CPVL: variants seen among roughly 807,000 people sequenced by gnomAD.
The protein encoded by CPVL is probable serine carboxypeptidase CPVL.
In CPVL, 51 loss-of-function variants were observed where a neutral mutation model predicts 63.7. The observed-to-expected ratio is 0.80, with a 90% CI of 0.64 to 1.01. The LOEUF (loss-of-function observed/expected upper bound fraction) is 1.01. Among genes scored for constraint, CPVL ranks in the 50% least tolerant of loss-of-function variants. The pLI, the probability that CPVL is intolerant of heterozygous loss-of-function variation, is 0.00. For missense variants in CPVL, 530 were observed against 573.1 expected (o/e 0.92, Z 0.77); for synonymous variants, 195 against 206.0 (o/e 0.95, Z 0.46).
intron 6 of CPVL, among the ~76,000 whole-genome samples, chr7:29,092,054 TG>T (rs1785865931): frequency 6.6e-6 from 1 of 152,104 alleles, no homozygotes; most frequent in African/African-American, 2.4e-5. Context: ...TGGAAAAATC[TG>T]ACCAAATAAG....
intron 12 of CPVL, among the ~76,000 whole-genome samples, chr7:29,029,475 A>G (rs781408180): frequency 4.6e-5 from 7 of 152,244 alleles, no homozygotes; most frequent in Non-Finnish European, 1.0e-4. Context: ...TAAGCCATAA[A>G]AAAGAATGAA....
intron 10 of CPVL, 64 bp from the exon 11 acceptor site, chr7:29,064,298 A>G: frequency 1.0e-6 from 1 of 1,004,666 alleles, no homozygotes; most frequent in East Asian, 2.4e-5. Flanking sequence ...GTATGTTGGG[A>G]AAAGCTGTGA....
In CPVL at chr7:29,066,009, TA is replaced by T; in HGVS notation, c.963+13del. On this transcript the variant is annotated intron_variant, in intron 10 of 12. Coordinates refer to ENST00000265394, the MANE Select transcript of CPVL (RefSeq NM_031311.5). ...TTTAAGCAAACATTATTATGGTTTTTAAAATGTCATTACCGTGCACCGCAAA... is the reference window on the plus strand; with the variant it reads ...TTTAAGCAAACATTATTATGGTTTTTAAATGTCATTACCGTGCACCGCAAA... 6.8e-7 allele frequency: 1 copy of T among 1,475,570 alleles called. No homozygotes were observed. The highest frequency in any genetic ancestry group is 9.3e-7 in the Non-Finnish European group (1 of 1,077,220). The allele number at this position is 1,475,570 out of a possible 1,614,324, so 91.4% of individuals were successfully genotyped here. A position where few individuals can be genotyped will look rare whatever the true frequency, so the allele number is the denominator to read the frequency against.
At chr7:29,111,597 C>T (rs1306904758) in intron 3 of CPVL, among the ~76,000 whole-genome samples, 1 of 152,208 alleles carries the variant, frequency 6.6e-6, no homozygotes, top group Non-Finnish European at 1.5e-5. Context: ...GTGAGCCCAA[C>T]GACAAAGGAT....
At chr7:29,094,037 GCTTGT>G (rs1256953985) in intron 5 of CPVL, among the ~76,000 whole-genome samples, 2 of 152,194 alleles carry the variant, frequency 1.3e-5, no homozygotes, top group Non-Finnish European at 1.5e-5. Flanking sequence ...GAAGCATGTT[GCTTGT>G]CTTAACAAGT....
chr7:29,064,092 G>T lies in CPVL; in HGVS notation c.1106C>A (p.Pro369Gln). Residue 369 changes from proline to glutamine, a missense_variant, in exon 11 of 13, where the codon CCA becomes CAA. Pro to Gln is a moderately conservative substitution (Grantham distance 76). Transcript: ENST00000265394. ...LREDTVQSVK[P>Q]WLTEIMNNYK... Reference sequence around the variant, plus strand: ...ATTATTCATGATTTCAGTTAACCATGGCTTAACTGACTGTACTGTATCTTC... The same window carrying T: ...ATTATTCATGATTTCAGTTAACCATTGCTTAACTGACTGTACTGTATCTTC... 6.2e-7 allele frequency: 1 copy of T among 1,612,658 alleles called. No homozygotes were observed. The highest frequency in any genetic ancestry group is 2.2e-5 in the East Asian group (1 of 44,852).
intron 12 of CPVL, among the ~76,000 whole-genome samples, chr7:29,002,470 T>C (rs562566614): frequency 1.3e-5 from 2 of 152,186 alleles, no homozygotes; most frequent in East Asian, 1.9e-4. Flanking sequence ...TTTCTTCATA[T>C]ATTTTTTGTA....
At chr7:29,028,411 AC>A (rs1281270474) in intron 12 of CPVL, among the ~76,000 whole-genome samples, 3 of 152,216 alleles carry the variant, frequency 2.0e-5, no homozygotes, top group African/African-American at 7.2e-5. Flanking sequence ...CAGGGGAAAC[AC>A]TTTAGGACAC....
At chr7:29,025,041 C>T (rs1268141691) in intron 12 of CPVL, among the ~76,000 whole-genome samples, 10 of 152,122 alleles carry the variant, frequency 6.6e-5, no homozygotes. Flanking sequence ...AAACAATGAA[C>T]AAAATGGCAG....
intron 1 of CPVL, among the ~76,000 whole-genome samples, chr7:29,136,456 TA>T: frequency 6.6e-6 from 1 of 152,042 alleles, no homozygotes; most frequent in Admixed American, 6.6e-5. Context: ...GGTTGGAGGG[TA>T]GGAAAGTCAG....
intron 1 of CPVL, among the ~76,000 whole-genome samples, chr7:29,121,921 A>G (rs768494908): frequency 3.3e-5 from 5 of 152,218 alleles, no homozygotes; most frequent in Non-Finnish European, 5.9e-5. Context: ...TTGCTAGCTG[A>G]TAAGTAAATT....
chr7:29,019,560 TG>T (rs1400762904), intron 12 of CPVL, among the ~76,000 whole-genome samples: 1 of 152,186 alleles, frequency 6.6e-6, no homozygotes, highest in Admixed American at 6.5e-5. Context: ...AAGTCTACTT[TG>T]GTTTCAATTT....
In CPVL at chr7:29,120,462, T is replaced by C. The variant is rs185815993; in HGVS notation, c.169+431A>G. On this transcript the variant is annotated intron_variant, in intron 2 of 12. Coordinates refer to ENST00000265394, the MANE Select transcript of CPVL (RefSeq NM_031311.5). Reference sequence around the variant, plus strand: ...CAAACAAACAAAATATATATATATATATTTGAAATAAAACAACTGAGTAAA... The same window carrying C: ...CAAACAAACAAAATATATATATATACATTTGAAATAAAACAACTGAGTAAA... Among the ~76,000 whole-genome samples the C allele has an allele frequency of 3.3e-5, 5 of 152,082 alleles. No homozygotes were observed. In the East Asian group the frequency reaches 9.7e-4, roughly 29 times the overall value.
chr7:29,180,459 G>A (rs543445246), intron 5 of CPVL, among the ~76,000 whole-genome samples: 71 of 152,076 alleles, frequency 4.7e-4, no homozygotes, highest in East Asian at 1.9e-4. Context: ...CCTAGGAGGC[G>A]GAGGTTGCAG....
chr7:29,107,903 C>T (rs1787877731), intron 3 of CPVL, among the ~76,000 whole-genome samples: 1 of 152,228 alleles, frequency 6.6e-6, no homozygotes, highest in Admixed American at 6.5e-5. Flanking sequence ...AAGGGCTGTT[C>T]TGTTGGCTTC....
chr7:29,067,719 T>C (rs2065887299), intron 9 of CPVL, among the ~76,000 whole-genome samples: 2 of 152,194 alleles, frequency 1.3e-5, no homozygotes, highest in African/African-American at 4.8e-5. Context: ...AGTCAGCACA[T>C]GTTAAAAACA....
intron 5 of CPVL, among the ~76,000 whole-genome samples, chr7:29,093,359 C>A: frequency 8.1e-6 from 1 of 122,758 alleles, no homozygotes; most frequent in African/African-American, 3.1e-5. Context: ...CCTGGGTGAC[C>A]AAGCGAGACT....
chr7:29,106,918 G>A lies in CPVL; in HGVS notation c.288+5786C>T, dbSNP rs562287221. Among the ~76,000 whole-genome samples the A allele has an allele frequency of 6.6e-5, 10 of 152,278 alleles. No individual in the cohort carries two copies. In the South Asian group the frequency reaches 2.1e-3, roughly 32 times the overall value. On this transcript the variant is annotated intron_variant, in intron 3 of 12. Transcript: ENST00000265394. ...ATTCCTGTGGGTCAGAAATTTGAGG[G>A]TGTCTGGCTGGGCAGTTCTGGCACA...
intron 12 of CPVL, among the ~76,000 whole-genome samples, chr7:29,018,679 A>T (rs1046971380): frequency 2.0e-5 from 3 of 152,060 alleles, no homozygotes; most frequent in African/African-American, 7.2e-5. Flanking sequence ...CTGCCCGGCC[A>T]AAGTTTTAAA....
Sources: allele counts gnomAD v4.1 joint callset (sites outside exome capture counted in the v4.1 genomes callset), GRCh38; gene constraint gnomAD v4.1.1; transcripts MANE v1.5; gene names NCBI Gene and HGNC (gene_info 2026-07-23, HGNC 2026-07-21).